Variants in SPMIP7 observed in about 807,000 individuals in gnomAD.
SPMIP7 encodes the protein protein SPMIP7.
chr7:50,102,681 T>C, the SPMIP7 span, among the ~76,000 whole-genome samples: 2 of 152,136 alleles, frequency 1.3e-5, no homozygotes, highest in African/African-American at 4.8e-5. Context: ...CAGTCAAATA[T>C]TGACTGAATT....
At chr7:50,123,038 A>G in the SPMIP7 span, among the ~76,000 whole-genome samples, 1 of 140,902 alleles carries the variant, frequency 7.1e-6, no homozygotes, top group South Asian at 2.3e-4. Flanking sequence ...AACCAGAAAT[A>G]CCATTTGACC....
chr7:50,101,378 T>C, the SPMIP7 span, among the ~76,000 whole-genome samples: 1 of 152,222 alleles, frequency 6.6e-6, no homozygotes, highest in African/African-American at 2.4e-5. Context: ...CAACACCAAC[T>C]TGCCAGCCAT....
the SPMIP7 span, among the ~76,000 whole-genome samples, chr7:50,158,509 TGGGTGAG>T: frequency 6.6e-6 from 1 of 151,678 alleles, no homozygotes; most frequent in Non-Finnish European, 1.5e-5. Flanking sequence ...TGCTGGCCTC[TGGGTGAG>T]GCCCAGGCCC....
At chr7:50,122,456 A>C in the SPMIP7 span, among the ~76,000 whole-genome samples, 1 of 151,162 alleles carries the variant, frequency 6.6e-6, no homozygotes, top group Non-Finnish European at 1.5e-5. Context: ...CTAAAACCAT[A>C]AAAACCCTAG....
At chr7:50,130,740 G>A in the SPMIP7 span, among the ~76,000 whole-genome samples, 5 of 152,142 alleles carry the variant, frequency 3.3e-5, no homozygotes, top group East Asian at 7.7e-4. Flanking sequence ...GTGCTGAGGG[G>A]TGTGCAGAAA....
chr7:50,142,177 T>A, the SPMIP7 span: 1 of 152,202 alleles, frequency 6.6e-6, no homozygotes, highest in Non-Finnish European at 1.5e-5. Flanking sequence ...AAAGGAAGGA[T>A]ATAGGAAGAA....
At chr7:50,126,863 G>T in the SPMIP7 span, among the ~76,000 whole-genome samples, 1 of 151,772 alleles carries the variant, frequency 6.6e-6, no homozygotes. Context: ...GGTGAAAAAG[G>T]AAATCACAAG....
At chr7:50,150,048 T>A in the SPMIP7 span, among the ~76,000 whole-genome samples, 1 of 152,052 alleles carries the variant, frequency 6.6e-6, no homozygotes, top group Non-Finnish European at 1.5e-5. Flanking sequence ...TTCACTAACC[T>A]CTCTTCTGCC....
chr7:50,154,726 G>A, the SPMIP7 span, among the ~76,000 whole-genome samples: 3 of 152,306 alleles, frequency 2.0e-5, no homozygotes, highest in East Asian at 3.9e-4. Context: ...TCCTTTGAGT[G>A]TATCTCCAGA....
At chr7:50,128,038 C>A in the SPMIP7 span, among the ~76,000 whole-genome samples, 1 of 151,904 alleles carries the variant, frequency 6.6e-6, no homozygotes, top group African/African-American at 2.4e-5. Context: ...GCCCTATTCG[C>A]ATTAGGCAAA....
the SPMIP7 span, among the ~76,000 whole-genome samples, chr7:50,123,202 T>C: frequency 8.4e-6 from 1 of 119,222 alleles, no homozygotes; most frequent in Non-Finnish European, 1.7e-5. Flanking sequence ...ATTAAGAAAA[T>C]GTGGCACATA....
At chr7:50,135,284 G>A in the SPMIP7 span, among the ~76,000 whole-genome samples, 10 of 152,126 alleles carry the variant, frequency 6.6e-5, no homozygotes, top group Admixed American at 4.6e-4. Context: ...CACTTCTCAC[G>A]CGTAGGAGTC....
At chr7:50,134,244 C>G in the SPMIP7 span, 1 of 1,534,748 alleles carries the variant, frequency 6.5e-7, no homozygotes, top group Non-Finnish European at 8.8e-7. Flanking sequence ...AGCAATAACT[C>G]AGGTCAGCAG....
chr7:50,132,207 A>G, the SPMIP7 span, among the ~76,000 whole-genome samples: 3 of 152,232 alleles, frequency 2.0e-5, no homozygotes, highest in African/African-American at 4.8e-5. Flanking sequence ...CTTGCTGAAC[A>G]TGGGATCCTT....
the SPMIP7 span, among the ~76,000 whole-genome samples, chr7:50,116,922 G>C: frequency 1.1e-4 from 16 of 152,092 alleles, no homozygotes; most frequent in African/African-American, 3.9e-4. Context: ...TGTAACCTGA[G>C]TGTTGAAGCA....
chr7:50,096,812 T>C, the SPMIP7 span, among the ~76,000 whole-genome samples: 1 of 152,224 alleles, frequency 6.6e-6, no homozygotes, highest in Admixed American at 6.5e-5. Context: ...TATAAACTTA[T>C]TTGTAAAAGA....
chr7:50,148,555 G>A, the SPMIP7 span, among the ~76,000 whole-genome samples: 1 of 152,182 alleles, frequency 6.6e-6, no homozygotes, highest in Admixed American at 6.5e-5. Flanking sequence ...GATTTCCTTT[G>A]TAACATGCAT....
At chr7:50,105,753 G>A in the SPMIP7 span, among the ~76,000 whole-genome samples, 1 of 152,112 alleles carries the variant, frequency 6.6e-6, no homozygotes, top group Non-Finnish European at 1.5e-5. Context: ...AGGCTATTCT[G>A]AATTTAGACA....
At chr7:50,156,301 G>A in the SPMIP7 span, among the ~76,000 whole-genome samples, 2 of 143,300 alleles carry the variant, frequency 1.4e-5, no homozygotes, top group Non-Finnish European at 2.9e-5. Flanking sequence ...TCTCTCTGAT[G>A]AGTGTCATGA....
Sources: gnomAD v4.1 joint callset for allele counts (sites outside exome capture counted in the v4.1 genomes callset) on GRCh38, gnomAD v4.1.1 for gene constraint, MANE v1.5 for transcripts, NCBI Gene and HGNC (gene_info 2026-07-23, HGNC 2026-07-21) for gene names.